The following FHIP1B variants were observed in gnomAD, a reference collection of about 807,000 sequenced individuals.
FHIP1B encodes the protein FHF complex subunit HOOK-interacting protein 1B.
A neutral mutation model predicts 82.2 loss-of-function variants in FHIP1B; 28 were observed. The ratio of observed to expected loss-of-function variants is 0.34; its 90% CI spans 0.25 to 0.47. The LOEUF (loss-of-function observed/expected upper bound fraction) is 0.47, where lower values mean the gene tolerates loss of function less well. Ranked by LOEUF, FHIP1B falls within the 20% of genes least tolerant of loss-of-function variation. The pLI, the probability that FHIP1B is intolerant of heterozygous loss-of-function variation, is 1.00. For missense variants in FHIP1B, 1,110 were observed against 1,262.6 expected (o/e 0.88, Z 1.83); for synonymous variants, 585 against 516.1 (o/e 1.13, Z -1.81).
intron 6 of FHIP1B, among the ~76,000 whole-genome samples, chr11:6,220,193 G>A (rs1371594065): frequency 1.3e-5 from 2 of 152,132 alleles, no homozygotes; most frequent in Non-Finnish European, 2.9e-5. Context: ...TATGGATGAA[G>A]GGGGGCCATG....
rs186351155 is a variant in FHIP1B, at chr11:6,217,186, G to A, written c.2215+185C>T. 25 of 712,750 alleles carry A rather than the reference G, an allele frequency of 3.5e-5. No homozygotes were observed. The East Asian group carries it at 4.0e-4, about 11-fold the overall frequency. The allele number at this position is 712,750 out of a possible 1,614,324, so 44.2% of individuals were successfully genotyped here. On this transcript the variant is annotated intron_variant, in intron 9 of 11. Transcript: ENST00000449352. ...TCAAACCAGCACAAGCATGGAAGAC[G>A]TACAGACAGACACAGGGACACAAGT...
intron 1 of FHIP1B, among the ~76,000 whole-genome samples, chr11:6,230,769 A>T (rs567376538): frequency 1.3e-5 from 2 of 152,376 alleles, no homozygotes; most frequent in East Asian, 3.9e-4. Flanking sequence ...ACTAGATCCT[A>T]AAGGATAAGG....
In FHIP1B at chr11:6,214,929, T is replaced by G. The variant is rs746401221; in HGVS notation, c.2216-18A>C. ...GAAGGGGCCTGGGTTGGGGGGGAGG[T>G]GGGCACAAGGATACAAAGCCTGAAC... On this transcript the variant is annotated intron_variant, in intron 9 of 11. Transcript: ENST00000449352. The G allele has an allele frequency of 2.0e-6, 3 of 1,532,324 alleles. No individual in the cohort carries two copies. In the East Asian group the frequency reaches 6.9e-5, roughly 35 times the overall value. 94.9% of individuals were successfully genotyped at this position (1,532,324 alleles called of 1,614,324 possible).
intron 6 of FHIP1B, among the ~76,000 whole-genome samples, chr11:6,220,761 T>C (rs1036426039): frequency 6.6e-5 from 10 of 151,894 alleles, no homozygotes; most frequent in South Asian, 4.2e-4. Context: ...AAATGAAAGA[T>C]AGTGAGTAAG....
At chr11:6,214,034 GAAAAAAAAAAAAA>G (rs59502569) in intron 11 of FHIP1B, among the ~76,000 whole-genome samples, 13 of 36,634 alleles carry the variant, frequency 3.5e-4, no homozygotes, top group East Asian at 1.5e-3. Flanking sequence ...GACCTCTCCT[GAAAAAAAAAAAAA>G]AAAAAAAAAA....
chr11:6,230,135 C>T (rs973786459), intron 1 of FHIP1B, among the ~76,000 whole-genome samples: 12 of 152,172 alleles, frequency 7.9e-5, no homozygotes, highest in African/African-American at 2.7e-4. Flanking sequence ...CCACACACAG[C>T]AAGGGTGACA....
At chr11:6,220,457 G>A (rs561853451) in intron 6 of FHIP1B, among the ~76,000 whole-genome samples, 3 of 152,260 alleles carry the variant, frequency 2.0e-5, no homozygotes, top group African/African-American at 7.2e-5. Flanking sequence ...TTAAGCATTA[G>A]GTTTGATAAT....
intron 11 of FHIP1B, among the ~76,000 whole-genome samples, chr11:6,214,034 G>GAAAAAAAA (rs59502569): frequency 2.7e-5 from 1 of 36,610 alleles, no homozygotes; most frequent in Non-Finnish European, 5.0e-5. Flanking sequence ...GACCTCTCCT[G>GAAAAAAAA]AAAAAAAAAA....
At position 6,223,717 on chromosome 11, in the gene FHIP1B, C is replaced by T; in HGVS notation, c.670G>A (p.Gly224Ser). 1 of 1,614,222 alleles carries T rather than the reference C, an allele frequency of 6.2e-7. No individual in the cohort carries two copies. The change falls in exon 3 of 12, where the codon GGC (glycine) becomes AGC (serine). Residue 224 changes from glycine (G) to serine (S), a missense_variant. By Grantham distance (56) the Gly-to-Ser change is moderately conservative. Transcript: ENST00000449352. This position sits in a 1 kb window ranked among gnomAD's most constrained non-coding sequence, Gnocchi z 4.8. ...SRLVPFVHREGTLGQQARDAL... is the reference protein window; with the variant it reads ...SRLVPFVHRESTLGQQARDAL... ...TCACGGGCCTGCTGGCCCAGGGTGC[C>T]CTCTCGATGCACAAAAGGGACAAGG...
chr11:6,224,955 A>G (rs373446101), intron 1 of FHIP1B, among the ~76,000 whole-genome samples: 1 of 152,014 alleles, frequency 6.6e-6, no homozygotes, highest in East Asian at 1.9e-4. Context: ...TGTGTACATT[A>G]TCCTTGTTTT....
chr11:6,230,991 C>T (rs1026913474), intron 1 of FHIP1B, among the ~76,000 whole-genome samples: 2 of 152,094 alleles, frequency 1.3e-5, no homozygotes, highest in Non-Finnish European at 2.9e-5. Flanking sequence ...TCCTACAGGA[C>T]ACAAAGAGCC....
In FHIP1B at chr11:6,217,779, T is replaced by C. The variant is rs144693760; in HGVS notation, c.1807A>G (p.Arg603Gly). The change falls in exon 9 of 12, where the codon AGG (arginine) becomes GGG (glycine). Residue 603 changes from arginine (R) to glycine (G), a missense_variant. This residue lies in a region of FHIP1B where 418 missense variants were observed against 371.4 expected (regional missense o/e 1.13). Transcript: ENST00000449352. ...TCCTCCCCTTCCCCCACGTTGTTCC[T>C]GTCCTCCTCAGGCAGTAGGCTGCGT... is the stretch of plus-strand genomic sequence containing the variant. ...KKRSLLPEED[R>G]NNVGEGEEEE... The C allele has an allele frequency of 2.3e-4, 363 of 1,548,576 alleles. No homozygotes were observed. Among genetic ancestry groups the C allele is most frequent in the Non-Finnish European group, 3.1e-4 (353 of 1,139,698 alleles).
intron 9 of FHIP1B, chr11:6,216,422 A>G (rs998586194): frequency 6.6e-6 from 1 of 152,608 alleles, no homozygotes; most frequent in Non-Finnish European, 1.5e-5. Flanking sequence ...ACAATGTGCC[A>G]TAATTGTAGT....
At position 6,222,844 on chromosome 11, in the gene FHIP1B, G is replaced by A. The variant is rs1333535976; in HGVS notation, c.990C>T (p.Phe330=). ...KQLVDYIHNG[F]LVPVMGPALH... is the part of the protein sequence containing the mutation. ...AGGCAGGACCCATGACAGGCACCAG[G>A]AACCCATTATGGATATAATCAACCA... The change falls in exon 5 of 12, where the codon TTC becomes TTT. Residue 330 remains phenylalanine, a synonymous_variant. Coordinates refer to ENST00000449352, the MANE Select transcript of FHIP1B (RefSeq NM_001098794.2). 12 of 1,614,022 alleles carry A rather than the reference G, an allele frequency of 7.4e-6. No individual in the cohort carries two copies. The highest frequency in any genetic ancestry group is 1.0e-5 in the Non-Finnish European group (12 of 1,180,030).
At chr11:6,232,304 T>C (rs1847718752) in intron 1 of FHIP1B, among the ~76,000 whole-genome samples, 2 of 152,252 alleles carry the variant, frequency 1.3e-5, no homozygotes, top group Admixed American at 1.3e-4. Flanking sequence ...ATCCTATCAC[T>C]ATCATGATAT....
chr11:6,231,522 G>T (rs1377526512), intron 1 of FHIP1B, among the ~76,000 whole-genome samples: 1 of 142,714 alleles, frequency 7.0e-6, no homozygotes, highest in African/African-American at 2.6e-5. Context: ...CCAGGCTGAA[G>T]TGCAGTGGTG....
At chr11:6,217,177 A>G (rs1408713376) in intron 9 of FHIP1B, 194 bp downstream of exon 9, 1 of 709,032 alleles carries the variant, frequency 1.4e-6, no homozygotes, top group Non-Finnish European at 2.6e-6. Context: ...CAGCACAAGC[A>G]TGGAAGACGT....
intron 1 of FHIP1B, among the ~76,000 whole-genome samples, chr11:6,231,674 G>A (rs1847703837): frequency 6.6e-6 from 1 of 151,354 alleles, no homozygotes; most frequent in Non-Finnish European, 1.5e-5. Flanking sequence ...TTTTATTGTC[G>A]TTGTTGTTGT....
intron 9 of FHIP1B, chr11:6,216,846 T>G (rs546768851): frequency 1.7e-6 from 1 of 575,424 alleles, no homozygotes; most frequent in Non-Finnish European, 3.1e-6. Flanking sequence ...AAGTCCTTCT[T>G]TGAAGAGGTG....
Sources: gnomAD v4.1 joint callset for allele counts (sites outside exome capture counted in the v4.1 genomes callset) on GRCh38, gnomAD v4.1.1 for gene constraint, gnomAD v4.1.1 regional missense constraint, Gnocchi (gnomAD v3.1) non-coding constraint, MANE v1.5 for transcripts, NCBI Gene and HGNC (gene_info 2026-07-23, HGNC 2026-07-21) for gene names.